The following RAP1GAP2 variants were observed in gnomAD, a reference collection of about 807,000 sequenced individuals.
The protein encoded by RAP1GAP2 is rap1 GTPase-activating protein 2.
A neutral mutation model predicts 95.0 loss-of-function variants in RAP1GAP2; 27 were observed. The ratio of observed to expected loss-of-function variants is 0.28; its 90% confidence interval spans 0.21 to 0.39. RAP1GAP2 has a LOEUF of 0.39. Ranked by LOEUF, RAP1GAP2 falls within the 10% of genes least tolerant of loss-of-function variation. The pLI is 1.00. For missense variants in RAP1GAP2, 771 were observed against 970.0 expected, an observed-to-expected ratio of 0.79 and a Z score of 2.72; for synonymous variants, 373 against 380.9, an observed-to-expected ratio of 0.98 and a Z score of 0.24.
chr17:2,771,515 T>TA (rs1466389683), intron 2 of RAP1GAP2, among the ~76,000 whole-genome samples: 4 of 140,508 alleles, frequency 2.8e-5, no homozygotes, highest in Non-Finnish European at 6.1e-5. Flanking sequence ...TTTTTTTAGA[T>TA]AGAGTTTTGC....
At chr17:2,843,439 C>A (rs1255726878) in intron 2 of RAP1GAP2, among the ~76,000 whole-genome samples, 1 of 151,972 alleles carries the variant, frequency 6.6e-6, no homozygotes, top group Non-Finnish European at 1.5e-5. Flanking sequence ...GTGCATGCCA[C>A]CATGACTGAC....
chr17:2,912,590 T>C (rs918084121), intron 3 of RAP1GAP2, among the ~76,000 whole-genome samples: 15 of 152,090 alleles, frequency 9.9e-5, no homozygotes, highest in Admixed American at 7.9e-4. Flanking sequence ...GAAAACCCTG[T>C]GTAGGGACAG....
chr17:2,793,457 A>G (rs866147586), upstream of RAP1GAP2, among the ~76,000 whole-genome samples: 13 of 152,328 alleles, frequency 8.5e-5, no homozygotes, highest in African/African-American at 3.1e-4. Context: ...CCCGGCCTGC[A>G]ACAGGAATTC....
Position 2,833,689 on chromosome 17 carries a change from C to CAAAAA in RAP1GAP2, c.80+33157_80+33161dup, listed in dbSNP as rs112909808. ...TGGGAGACACAGCGAGACTCCGTCT[C>CAAAAA]AAAAAAAAAAAAAAAAAAAAAAGAA... is the stretch of plus-strand genomic sequence containing the variant. On this transcript the variant is annotated intron_variant, in intron 2 of 24. Coordinates refer to ENST00000254695, the MANE Select transcript of RAP1GAP2 (RefSeq NM_015085.5). 4.3e-3 allele frequency among the ~76,000 whole-genome samples: 222 copies of CAAAAA among 51,886 alleles called. 2 individuals are homozygous for CAAAAA. The highest frequency in any genetic ancestry group is 6.3e-3 in the Non-Finnish European group (152 of 24,100). 34.0% of individuals were successfully genotyped at this position (51,886 alleles called of 152,430 possible).
chr17:2,955,856 C>T (rs1470618644), intron 3 of RAP1GAP2, among the ~76,000 whole-genome samples: 1 of 152,126 alleles, frequency 6.6e-6, no homozygotes, highest in African/African-American at 2.4e-5. Context: ...GTGAGTGTAG[C>T]TTCTTTTAAC....
chr17:2,962,550 C>A (rs567839031), intron 4 of RAP1GAP2, 120 bp from the exon 5 acceptor site: 3 of 1,094,790 alleles, frequency 2.7e-6, no homozygotes, highest in Non-Finnish European at 4.0e-6. Context: ...GCAGGCCCAG[C>A]ACGGGCCAGC....
At chr17:2,800,415 G>C in intron 1 of RAP1GAP2, 100 bp from the exon 2 acceptor site, 3 of 1,439,558 alleles carry the variant, frequency 2.1e-6, no homozygotes, top group Non-Finnish European at 1.9e-6. Context: ...GAGCCCTGCT[G>C]TCTGGTGGTT....
At chr17:2,998,794 G>A (rs910218451) in intron 14 of RAP1GAP2, among the ~76,000 whole-genome samples, 2 of 151,992 alleles carry the variant, frequency 1.3e-5, no homozygotes, top group African/African-American at 4.8e-5. Flanking sequence ...TTGGAATTTG[G>A]TGATGCCATT....
At chr17:3,011,100 G>A (rs1268444406) in intron 17 of RAP1GAP2, among the ~76,000 whole-genome samples, 1 of 151,744 alleles carries the variant, frequency 6.6e-6, no homozygotes, top group Non-Finnish European at 1.5e-5. Context: ...CTAACTTTTT[G>A]TATTTTTAGT....
chr17:2,865,024 A>G (rs914449234), intron 2 of RAP1GAP2, among the ~76,000 whole-genome samples: 1 of 152,132 alleles, frequency 6.6e-6, no homozygotes, highest in Non-Finnish European at 1.5e-5. Context: ...TTCATTCTTC[A>G]TAGAGGAGAA....
upstream of RAP1GAP2, chr17:2,755,651 C>T (rs2151750785): frequency 4.0e-6 from 1 of 249,596 alleles, no homozygotes; most frequent in East Asian, 7.7e-5. Context: ...CCCCGGACAC[C>T]CGCCTGCGGC....
chr17:2,888,634 A>G (rs1387591559), intron 2 of RAP1GAP2, among the ~76,000 whole-genome samples: 1 of 146,558 alleles, frequency 6.8e-6, no homozygotes, highest in East Asian at 2.0e-4. Flanking sequence ...TCGTGCATAT[A>G]TACCACCTTT....
rs1164989645 is a variant in RAP1GAP2, at chr17:2,932,328, C to T, written c.166-25431C>T. ...TAAGGCTGTTAGTGGTGACGGGGCA[C>T]CTCATGGTCTCTCTGGGGGACAACT... On this transcript the variant is annotated intron_variant, in intron 3 of 24. Coordinates refer to ENST00000254695, the MANE Select transcript of RAP1GAP2 (RefSeq NM_015085.5). Among the ~76,000 whole-genome samples, 3 of 152,016 alleles carry T rather than the reference C, an allele frequency of 2.0e-5. No individual in the cohort carries two copies. In the East Asian group the frequency reaches 5.8e-4, roughly 30 times the overall value.
chr17:2,995,608 A>G, intron 13 of RAP1GAP2, 142 bp downstream of exon 13: 1 of 1,218,338 alleles, frequency 8.2e-7, no homozygotes, highest in Non-Finnish European at 1.1e-6. Context: ...GCAGCGTCAC[A>G]GTCCGTTCTG....
rs1371813565 is a variant in RAP1GAP2 at position 3,003,460 on chromosome 17, G to T, written c.1201-1909G>T. ...CACCGCCGGGGAGGGCCCTGTCTTT[G>T]TAGCCCCCTCCCCGTTTCCCGTCAC... On this transcript the variant is annotated intron_variant, in intron 14 of 24. Coordinates refer to ENST00000254695, the MANE Select transcript of RAP1GAP2 (RefSeq NM_015085.5). This position sits in a 1 kb window ranked among gnomAD's most constrained non-coding sequence, Gnocchi z 4.1. Among the ~76,000 whole-genome samples the T allele has an allele frequency of 6.6e-6, 1 of 151,940 alleles. No individual in the cohort carries two copies. Among genetic ancestry groups the T allele is most frequent in the Non-Finnish European group, 1.5e-5 (1 of 67,968 alleles).
At chr17:2,920,811 C>G (rs1455200756) in intron 3 of RAP1GAP2, among the ~76,000 whole-genome samples, 4 of 152,220 alleles carry the variant, frequency 2.6e-5, no homozygotes, top group African/African-American at 9.6e-5. Context: ...CTGCCATAGA[C>G]TCTACTCCAC....
intron 8 of RAP1GAP2, among the ~76,000 whole-genome samples, chr17:2,969,064 TGTA>T (rs2044736574): frequency 6.6e-6 from 1 of 152,050 alleles, no homozygotes; most frequent in Admixed American, 6.6e-5. Context: ...AGAATACAAT[TGTA>T]ATGGTAGATT....
intron 1 of RAP1GAP2, among the ~76,000 whole-genome samples, chr17:2,756,155 C>G (rs1597255168): frequency 1.3e-5 from 2 of 152,380 alleles, no homozygotes; most frequent in South Asian, 2.1e-4. Flanking sequence ...CCTTCTGCCA[C>G]CCGGGGCAGG....
chr17:2,956,673 G>T (rs2044118907), intron 3 of RAP1GAP2, among the ~76,000 whole-genome samples: 1 of 152,254 alleles, frequency 6.6e-6, no homozygotes, highest in Non-Finnish European at 1.5e-5. Flanking sequence ...GTTTTCAGGG[G>T]ATAGGAAGTG....
Sources: gnomAD v4.1 joint callset for allele counts (sites outside exome capture counted in the v4.1 genomes callset) on GRCh38, gnomAD v4.1.1 for gene constraint, Gnocchi (gnomAD v3.1) non-coding constraint, MANE v1.5 for transcripts, NCBI Gene and HGNC (gene_info 2026-07-23, HGNC 2026-07-21) for gene names.